PDE12: variants seen among roughly 807,000 people sequenced by gnomAD.
PDE12 encodes the protein 2',5'-phosphodiesterase 12.
In PDE12, 26 loss-of-function variants were observed where a neutral mutation model predicts 45.4. The ratio of observed to expected loss-of-function variants is 0.57; its 90% CI spans 0.42 to 0.79. PDE12 has a LOEUF of 0.79. PDE12 is among the 30% of genes least tolerant of loss of function. The probability of loss-of-function intolerance (pLI) is 0.00; values close to 1 mark genes in which losing one functional copy is unlikely to be tolerated. For synonymous variants in PDE12, 283 were observed against 323.9 expected (o/e 0.87, Z 1.36); for missense variants, 668 against 790.0 (o/e 0.85, Z 1.85).
the PDE12 span, among the ~76,000 whole-genome samples, chr3:57,606,413 G>C: frequency 3.7e-3 from 564 of 152,210 alleles, 2 homozygotes; most frequent in African/African-American, 0.013. Flanking sequence ...GAAAAATAAA[G>C]ATGCTTTCAG....
chr3:57,575,693 C>T, the PDE12 span: 4 of 1,596,088 alleles, frequency 2.5e-6, no homozygotes, highest in Non-Finnish European at 3.4e-6. Flanking sequence ...AAAGGTAAGG[C>T]ATTAACAACT....
At chr3:57,612,543 C>T in the PDE12 span, among the ~76,000 whole-genome samples, 5 of 152,010 alleles carry the variant, frequency 3.3e-5, no homozygotes, top group African/African-American at 4.8e-5. Flanking sequence ...GAGGCCGAGG[C>T]GGGCGGATCA....
At chr3:57,572,236 C>T in the PDE12 span, 9 of 1,614,078 alleles carry the variant, frequency 5.6e-6, no homozygotes, top group Non-Finnish European at 7.6e-6. Flanking sequence ...GCTCATTTGA[C>T]AGCCAGTCAA....
At chr3:57,585,895 C>T in the PDE12 span, among the ~76,000 whole-genome samples, 6 of 152,010 alleles carry the variant, frequency 3.9e-5, no homozygotes, top group Non-Finnish European at 5.9e-5. Flanking sequence ...CTCCTGACCT[C>T]GGGTGATCTG....
chr3:57,601,292 CAG>C, the PDE12 span, among the ~76,000 whole-genome samples: 11 of 151,900 alleles, frequency 7.2e-5, no homozygotes, highest in African/African-American at 1.7e-4. Context: ...GTATTTTTAG[CAG>C]AGAGGGGGTT....
chr3:57,581,975 C>T, the PDE12 span, among the ~76,000 whole-genome samples: 18 of 152,120 alleles, frequency 1.2e-4, no homozygotes, highest in Non-Finnish European at 1.2e-4. Flanking sequence ...TCCAAAACTT[C>T]CCGAGCACCA....
At chr3:57,654,351 CAT>C in the PDE12 span, among the ~76,000 whole-genome samples, 1 of 152,150 alleles carries the variant, frequency 6.6e-6, no homozygotes, top group African/African-American at 2.4e-5. Flanking sequence ...AGGAAATCAA[CAT>C]GTGTCAGATA....
At chr3:57,654,256 G>A in the PDE12 span, among the ~76,000 whole-genome samples, 2 of 151,914 alleles carry the variant, frequency 1.3e-5, no homozygotes, top group Non-Finnish European at 2.9e-5. Flanking sequence ...TGCCCAGCCA[G>A]AAATTCACTT....
chr3:57,604,827 G>A, the PDE12 span, among the ~76,000 whole-genome samples: 1 of 151,718 alleles, frequency 6.6e-6, no homozygotes, highest in South Asian at 2.1e-4. Context: ...TGCCTAGGCT[G>A]GTCTTGAACC....
chr3:57,615,165 G>A, the PDE12 span, among the ~76,000 whole-genome samples: 1 of 151,812 alleles, frequency 6.6e-6, no homozygotes, highest in South Asian at 2.1e-4. Flanking sequence ...CGCCCCCCTC[G>A]GCCTCCCAAA....
At chr3:57,559,428 T>G (rs1169847755) in intron 2 of PDE12, 40 bp downstream of exon 2, 1 of 1,543,526 alleles carries the variant, frequency 6.5e-7, no homozygotes, top group Non-Finnish European at 8.8e-7. Flanking sequence ...TAAACACGCT[T>G]AAAGTTGTTT....
chr3:57,599,351 GCTTGA>G, the PDE12 span, among the ~76,000 whole-genome samples: 1 of 152,220 alleles, frequency 6.6e-6, no homozygotes, highest in African/African-American at 2.4e-5. Flanking sequence ...GCAGTTCCCA[GCTTGA>G]CTTTTCTCTT....
the PDE12 span, among the ~76,000 whole-genome samples, chr3:57,582,530 C>T: frequency 1.3e-5 from 2 of 152,024 alleles, no homozygotes; most frequent in African/African-American, 2.4e-5. Flanking sequence ...CATGAGCCAC[C>T]GTGCCTGGCC....
the PDE12 span, chr3:57,654,528 T>A: frequency 2.8e-6 from 2 of 704,538 alleles, no homozygotes; most frequent in Non-Finnish European, 3.5e-6. Flanking sequence ...AGGTGATAAC[T>A]GATGTGTCTC....
At chr3:57,596,669 G>A in the PDE12 span, 7 of 191,740 alleles carry the variant, frequency 3.7e-5, 1 homozygote, top group South Asian at 5.3e-4. Flanking sequence ...GAAAAGGCTG[G>A]AGTTGCTCTG....
chr3:57,597,671 T>TG, the PDE12 span: 1 of 153,800 alleles, frequency 6.5e-6, no homozygotes, highest in Non-Finnish European at 1.5e-5. Flanking sequence ...AGACTCAGGG[T>TG]GAGACGCTTC....
At chr3:57,597,229 CG>C in the PDE12 span, 5 of 1,287,144 alleles carry the variant, frequency 3.9e-6, no homozygotes, top group Non-Finnish European at 4.4e-6. Context: ...GCAAACTAAA[CG>C]AGAGGGAAGA....
chr3:57,600,392 T>G, the PDE12 span, among the ~76,000 whole-genome samples: 2 of 151,714 alleles, frequency 1.3e-5, no homozygotes, highest in Non-Finnish European at 2.9e-5. Flanking sequence ...TTTCTTTTCT[T>G]TCCTTCATCC....
At chr3:57,640,598 C>T in the PDE12 span, among the ~76,000 whole-genome samples, 1 of 152,028 alleles carries the variant, frequency 6.6e-6, no homozygotes, top group Admixed American at 6.6e-5. Flanking sequence ...AAATGTAGTA[C>T]ATTATAAAGT....
Sources: allele counts gnomAD v4.1 joint callset (sites outside exome capture counted in the v4.1 genomes callset), GRCh38; gene constraint gnomAD v4.1.1; transcripts MANE v1.5; gene names NCBI Gene and HGNC (gene_info 2026-07-23, HGNC 2026-07-21).